ACYP2: variants seen among roughly 807,000 people sequenced by gnomAD.
ACYP2 encodes the protein acylphosphatase 2.
In ACYP2, 12 loss-of-function variants were observed where a neutral mutation model predicts 11.2. The observed-to-expected ratio is 1.08, with a 90% confidence interval of 0.69 to 1.74. ACYP2 has a LOEUF of 1.74. Ranked by LOEUF, ACYP2 falls within the 40% of genes most tolerant of loss-of-function variation. The probability of loss-of-function intolerance (pLI) is 0.00; values close to 1 mark genes in which losing one functional copy is unlikely to be tolerated. For synonymous variants in ACYP2, 43 were observed against 32.2 expected (o/e 1.33, Z -1.13); for missense variants, 134 against 101.9 (o/e 1.31, Z -1.35).
chr2:54,015,933 G>T (rs904138618), intron 2 of ACYP2, among the ~76,000 whole-genome samples: 1 of 151,936 alleles, frequency 6.6e-6, no homozygotes, highest in Non-Finnish European at 1.5e-5. Flanking sequence ...CCAAAGTGCT[G>T]GGATTATGGC....
At chr2:53,976,762 C>T (rs1055605069) in intron 2 of ACYP2, among the ~76,000 whole-genome samples, 24 of 152,148 alleles carry the variant, frequency 1.6e-4, no homozygotes, top group Non-Finnish European at 1.9e-4. Context: ...TTCATTTGAA[C>T]TAGAGTATAT....
In ACYP2 at chr2:54,171,854, G is replaced by T. The variant is rs190254801; in HGVS notation, c.404+33106G>T. Among the ~76,000 whole-genome samples the T allele has an allele frequency of 3.3e-5, 5 of 152,166 alleles. No homozygotes were observed. In the East Asian group the frequency reaches 7.7e-4, roughly 23 times the overall value. On this transcript the variant is annotated intron_variant, in intron 6 of 6. Coordinates refer to ENST00000607452, the MANE Select transcript of ACYP2 (RefSeq NM_001320586.2). ...TACAGTTCTTTCTCCTCTTTAAGGG[G>T]CTTGCTTTTCTTTAAAAAGGTGCCG...
intron 3 of ACYP2, among the ~76,000 whole-genome samples, chr2:54,054,826 A>G (rs1445508773): frequency 2.0e-5 from 3 of 152,190 alleles, no homozygotes; most frequent in Non-Finnish European, 4.4e-5. Context: ...TTGTTTTCCC[A>G]TGTTTGTCCT....
Position 54,229,466 on chromosome 2 carries a change from TTCTG to T in ACYP2, c.405-75218_405-75215del, listed in dbSNP as rs367616884. On this transcript the variant is annotated intron_variant, in intron 6 of 6. Transcript: ENST00000607452. ...ATTATTTAATTATATCACTTTCTTA[TTCTG>T]TCTTATACTAACTTTTGCAGAATGT... 4.8e-4 allele frequency among the ~76,000 whole-genome samples: 73 copies of T among 152,346 alleles called. 2 individuals are homozygous for T. The East Asian group carries it at 0.012, about 25-fold the overall frequency.
intron 6 of ACYP2, among the ~76,000 whole-genome samples, chr2:54,158,748 G>A (rs945382788): frequency 6.6e-6 from 1 of 152,118 alleles, no homozygotes; most frequent in African/African-American, 2.4e-5. Context: ...AGGCCTCGTG[G>A]CTGAGGAAGT....
chr2:54,033,753 G>A (rs918480663), intron 2 of ACYP2, among the ~76,000 whole-genome samples: 1 of 152,200 alleles, frequency 6.6e-6, no homozygotes, highest in Non-Finnish European at 1.5e-5. Flanking sequence ...GTAGCATGAA[G>A]ACCAGCCGGA....
At chr2:54,062,942 C>T (rs868170237) in intron 4 of ACYP2, among the ~76,000 whole-genome samples, 34 of 152,164 alleles carry the variant, frequency 2.2e-4, no homozygotes, top group African/African-American at 7.7e-4. Flanking sequence ...CTTAAGAATT[C>T]GACTATTTAA....
chr2:54,187,018 T>A (rs1481337879), intron 6 of ACYP2, among the ~76,000 whole-genome samples: 2 of 151,564 alleles, frequency 1.3e-5, no homozygotes, highest in African/African-American at 4.8e-5. Context: ...AAATTAGAAT[T>A]TTTTTTTTCA....
At position 53,983,846 on chromosome 2, in the gene ACYP2, A is replaced by G. The variant is rs182569655; in HGVS notation, c.62+10036A>G. Among the ~76,000 whole-genome samples the G allele has an allele frequency of 3.5e-4, 54 of 152,312 alleles. 1 individual carries two copies. Among genetic ancestry groups the G allele is most frequent in the African/African-American group, 9.4e-4 (39 of 41,574 alleles). On this transcript the variant is annotated intron_variant, in intron 2 of 6. Coordinates refer to ENST00000607452, the MANE Select transcript of ACYP2 (RefSeq NM_001320586.2). The stretch of plus-strand genomic sequence containing the variant: ...TTTGTAGAAAGACCAAGAGTTTTCA[A>G]TGGGCCCAGTTAGGCCAGGAAACAA...
chr2:54,186,244 C>T (rs991444894), intron 6 of ACYP2, among the ~76,000 whole-genome samples: 1 of 151,858 alleles, frequency 6.6e-6, no homozygotes, highest in South Asian at 2.1e-4. Flanking sequence ...TGAAATTCAC[C>T]TCAACTTTTA....
intron 6 of ACYP2, among the ~76,000 whole-genome samples, chr2:54,164,639 G>T (rs1263991894): frequency 2.6e-5 from 4 of 152,206 alleles, no homozygotes; most frequent in Admixed American, 2.0e-4. Context: ...AACCAGGGGT[G>T]TTTGGGACCA....
intron 4 of ACYP2, among the ~76,000 whole-genome samples, chr2:54,097,621 A>G (rs910704323): frequency 1.3e-5 from 2 of 151,946 alleles, no homozygotes. Context: ...GAACCCTAGG[A>G]ATCTATTACA....
chr2:54,151,059 A>T (rs1213736942), intron 6 of ACYP2, among the ~76,000 whole-genome samples: 1 of 152,180 alleles, frequency 6.6e-6, no homozygotes, highest in Non-Finnish European at 1.5e-5. Flanking sequence ...GTTTCTATAC[A>T]GAGCTGATGA....
intron 4 of ACYP2, among the ~76,000 whole-genome samples, chr2:54,116,236 T>C (rs1572789341): frequency 1.3e-5 from 2 of 152,184 alleles, no homozygotes. Context: ...GAAATTGTTA[T>C]CTAATTTTTG....
chr2:54,111,078 C>A (rs905776520), intron 4 of ACYP2, among the ~76,000 whole-genome samples: 18 of 151,942 alleles, frequency 1.2e-4, no homozygotes, highest in Admixed American at 2.6e-4. Flanking sequence ...GGGGGCTAGT[C>A]TCTTTCAGCA....
intron 4 of ACYP2, among the ~76,000 whole-genome samples, chr2:54,057,768 G>A (rs1315758352): frequency 6.6e-6 from 1 of 152,148 alleles, no homozygotes; most frequent in Non-Finnish European, 1.5e-5. Context: ...TTTGTAAGGT[G>A]AATGTGGGAA....
chr2:53,998,797 C>T (rs1233591706), intron 2 of ACYP2, among the ~76,000 whole-genome samples: 1 of 151,966 alleles, frequency 6.6e-6, no homozygotes, highest in Non-Finnish European at 1.5e-5. Context: ...GCCTGGAGGA[C>T]TGGGTTTAAA....
chr2:54,063,421 G>A (rs1313035713), intron 4 of ACYP2, among the ~76,000 whole-genome samples: 1 of 151,912 alleles, frequency 6.6e-6, no homozygotes, highest in Non-Finnish European at 1.5e-5. Context: ...CATCTTTCTC[G>A]ACCCTGCTGT....
Position 54,041,644 on chromosome 2 carries a change from A to G in ACYP2, c.63-9314A>G, listed in dbSNP as rs551859593. On this transcript the variant is annotated intron_variant, in intron 2 of 6. Coordinates refer to ENST00000607452, the MANE Select transcript of ACYP2 (RefSeq NM_001320586.2). Reference sequence around the variant, plus strand: ...ACTATGGGGAATGTTTTCTTCAACAAAGGTTATTGTTTATTCAAGTGAGTA... The same window carrying G: ...ACTATGGGGAATGTTTTCTTCAACAGAGGTTATTGTTTATTCAAGTGAGTA... Among the ~76,000 whole-genome samples the G allele has an allele frequency of 9.2e-4, 140 of 152,346 alleles. 1 individual carries two copies. Among genetic ancestry groups the G allele is most frequent in the Non-Finnish European group, 1.8e-3 (122 of 68,032 alleles).
Sources: gnomAD v4.1 joint callset for allele counts (sites outside exome capture counted in the v4.1 genomes callset) on GRCh38, gnomAD v4.1.1 for gene constraint, MANE v1.5 for transcripts, NCBI Gene and HGNC (gene_info 2026-07-23, HGNC 2026-07-21) for gene names.